Variants in VWA8 observed in about 807,000 individuals in gnomAD.
VWA8 encodes the protein von Willebrand factor A domain containing 8, also known as von Willebrand factor A domain-containing protein 8.
VWA8 carries 221 observed loss-of-function variants against 241.5 expected under a neutral mutation model. The ratio of observed to expected loss-of-function variants is 0.91; its 90% CI spans 0.82 to 1.02. The LOEUF is 1.02. VWA8 is among the 50% of genes least tolerant of loss of function. The pLI, the probability that VWA8 is intolerant of heterozygous loss-of-function variation, is 0.00. For missense variants in VWA8, 2,322 were observed against 2,328.7 expected, an observed-to-expected ratio of 1.00 and a Z score of 0.06; for synonymous variants, 852 against 827.1, an observed-to-expected ratio of 1.03 and a Z score of -0.52.
intron 26 of VWA8, among the ~76,000 whole-genome samples, chr13:41,714,344 C>T (rs1167477983): frequency 6.6e-6 from 1 of 151,508 alleles, no homozygotes; most frequent in Non-Finnish European, 1.5e-5. Context: ...AAGTAAGTAG[C>T]ATTAAAAAAG....
intron 18 of VWA8, among the ~76,000 whole-genome samples, chr13:41,786,043 T>C (rs1331399934): frequency 1.3e-5 from 2 of 152,120 alleles, no homozygotes; most frequent in African/African-American, 4.8e-5. Context: ...ATGCTAGCAC[T>C]TCTGTGGGAG....
chr13:41,833,359 A>G lies in VWA8; in HGVS notation c.1586+12T>C. On this transcript the variant is annotated intron_variant, in intron 13 of 44. Coordinates refer to ENST00000379310, the MANE Select transcript of VWA8 (RefSeq NM_015058.2). ...TGTGTGTCTGTGTGTGATTTTTGTG[A>G]CTCATACCCACCTTTGCAATACAGC... 1 of 1,592,844 alleles carries G rather than the reference A, an allele frequency of 6.3e-7. No individual in the cohort carries two copies. Among genetic ancestry groups the G allele is most frequent in the Admixed American group, 1.8e-5 (1 of 56,100 alleles).
At chr13:41,588,675 T>A (rs2044435362) in intron 41 of VWA8, among the ~76,000 whole-genome samples, 1 of 150,918 alleles carries the variant, frequency 6.6e-6, no homozygotes, top group Non-Finnish European at 1.5e-5. Context: ...GAGCTATGAT[T>A]GTGCCACTGC....
chr13:41,832,946 CAA>C (rs34224397), intron 13 of VWA8, among the ~76,000 whole-genome samples: 7 of 147,532 alleles, frequency 4.7e-5, no homozygotes, highest in Non-Finnish European at 7.5e-5. Flanking sequence ...TTCTCTCTCT[CAA>C]AAAAAAAAGA....
intron 42 of VWA8, among the ~76,000 whole-genome samples, chr13:41,587,131 A>C (rs771460823): frequency 1.2e-4 from 18 of 152,186 alleles, no homozygotes; most frequent in Non-Finnish European, 2.4e-4. Context: ...GTGGAAATGG[A>C]ACGTGATACT....
At chr13:41,842,406 C>A (rs1872097756) in intron 12 of VWA8, among the ~76,000 whole-genome samples, 6 of 152,200 alleles carry the variant, frequency 3.9e-5, no homozygotes, top group Admixed American at 3.9e-4. Flanking sequence ...AAAATTAACT[C>A]CCTTTTATGT....
At chr13:41,825,794 T>G in intron 14 of VWA8, among the ~76,000 whole-genome samples, 1 of 152,242 alleles carries the variant, frequency 6.6e-6, no homozygotes, top group East Asian at 1.9e-4. Flanking sequence ...ACAGACAATG[T>G]GGGTCATAAG....
chr13:41,846,779 G>A (rs193081201), intron 12 of VWA8, among the ~76,000 whole-genome samples: 1 of 152,328 alleles, frequency 6.6e-6, no homozygotes, highest in East Asian at 1.9e-4. Context: ...GCTCACGCCT[G>A]TAATCCCAGC....
intron 37 of VWA8, among the ~76,000 whole-genome samples, chr13:41,668,509 A>G (rs769140853): frequency 1.3e-5 from 2 of 152,204 alleles, no homozygotes; most frequent in Non-Finnish European, 2.9e-5. Flanking sequence ...AATAAAGAGT[A>G]TATAAATGAA....
chr13:41,594,504 T>A (rs994566956), intron 40 of VWA8, among the ~76,000 whole-genome samples: 1 of 152,148 alleles, frequency 6.6e-6, no homozygotes, highest in Non-Finnish European at 1.5e-5. Context: ...TAAAAAATGT[T>A]AAAATTCTAA....
intron 21 of VWA8, among the ~76,000 whole-genome samples, chr13:41,736,245 G>C (rs927870101): frequency 3.9e-5 from 6 of 152,104 alleles, no homozygotes; most frequent in Non-Finnish European, 5.9e-5. Context: ...CTATCTTACA[G>C]ACTACAGCAT....
intron 20 of VWA8, among the ~76,000 whole-genome samples, chr13:41,771,393 G>A (rs2045822016): frequency 6.6e-6 from 1 of 152,158 alleles, no homozygotes; most frequent in Admixed American, 6.5e-5. Flanking sequence ...AAAGGGCTGG[G>A]ATTACAGGCG....
At chr13:41,608,524 T>C (rs1288705943) in intron 39 of VWA8, among the ~76,000 whole-genome samples, 1 of 152,254 alleles carries the variant, frequency 6.6e-6, no homozygotes, top group Non-Finnish European at 1.5e-5. Flanking sequence ...TTAAAGGTTA[T>C]ATTTATTGTT....
intron 37 of VWA8, among the ~76,000 whole-genome samples, chr13:41,658,227 C>A (rs569377779): frequency 1.1e-4 from 16 of 152,152 alleles, no homozygotes; most frequent in Non-Finnish European, 2.9e-5. Context: ...GGAAGGCTGA[C>A]GTGAGAGGAT....
intron 2 of VWA8, among the ~76,000 whole-genome samples, chr13:41,921,096 G>A (rs1164524478): frequency 6.6e-6 from 1 of 152,186 alleles, no homozygotes; most frequent in Admixed American, 6.5e-5. Context: ...CCATGATCAA[G>A]TTGGTTTCAT....
chr13:41,659,989 G>A (rs921597638), intron 37 of VWA8, among the ~76,000 whole-genome samples: 9 of 152,100 alleles, frequency 5.9e-5, no homozygotes, highest in African/African-American at 2.2e-4. Context: ...CTGTTTTCAT[G>A]TTCTTTTGCT....
chr13:41,914,283 A>G (rs768594449), intron 2 of VWA8, among the ~76,000 whole-genome samples: 3 of 152,258 alleles, frequency 2.0e-5, no homozygotes, highest in Non-Finnish European at 2.9e-5. Context: ...GGGAGAAAAT[A>G]TCCGCAGGAG....
In VWA8 at chr13:41,866,280, C is replaced by T. The variant is rs777291461; in HGVS notation, c.1213-244G>A. 4.6e-5 allele frequency among the ~76,000 whole-genome samples: 7 copies of T among 151,424 alleles called. 1 individual carries two copies. The highest frequency in any genetic ancestry group is 3.9e-4 in the East Asian group (2 of 5,174). On this transcript the variant is annotated intron_variant, in intron 10 of 44. Transcript: ENST00000379310. The stretch of plus-strand genomic sequence containing the variant: ...AGGAGAATCGCTTGAACCCAGGAGG[C>T]GGAGGTTGCAGTGAGCCAAGATTGC...
At chr13:41,910,695 G>A (rs1274423671) in intron 3 of VWA8, among the ~76,000 whole-genome samples, 1 of 152,098 alleles carries the variant, frequency 6.6e-6, no homozygotes, top group African/African-American at 2.4e-5. Flanking sequence ...TTAATAAAGT[G>A]AGGATGGCTC....
Sources: gnomAD v4.1 joint callset for allele counts (sites outside exome capture counted in the v4.1 genomes callset) on GRCh38, gnomAD v4.1.1 for gene constraint, MANE v1.5 for transcripts, NCBI Gene and HGNC (gene_info 2026-07-23, HGNC 2026-07-21) for gene names.